DHRSX: variants seen among roughly 807,000 people sequenced by gnomAD.
DHRSX encodes dehydrogenase/reductase X-linked.
A neutral mutation model predicts 34.0 loss-of-function variants in DHRSX; 31 were observed. The observed-to-expected ratio is 0.91, with a 90% CI of 0.69 to 1.23. The LOEUF (loss-of-function observed/expected upper bound fraction) is 1.23. Ranked by LOEUF, DHRSX falls within the 50% of genes most tolerant of loss-of-function variation. The pLI, the probability that DHRSX is intolerant of heterozygous loss-of-function variation, is 0.00. For synonymous variants in DHRSX, 201 were observed against 183.8 expected (o/e 1.09, Z -0.76); for missense variants, 414 against 428.1 (o/e 0.97, Z 0.29).
At chrX:2,421,544 G>A (rs747033929) in intron 2 of DHRSX, among the ~76,000 whole-genome samples, 117 of 152,354 alleles carry the variant, frequency 7.7e-4, no homozygotes, top group African/African-American at 2.7e-3. Flanking sequence ...GGCCACATGG[G>A]CTGAACATGG....
Position 2,439,618 on chromosome X carries a change from G to T in DHRSX, c.110-14314C>A, listed in dbSNP as rs189945998. The stretch of plus-strand genomic sequence containing the variant: ...TGAAACTCACCATCGTGTAGAATCA[G>T]TGGAAGCCCTGAGCTTGTTTTCCTG... On this transcript the variant is annotated intron_variant, in intron 1 of 6. Transcript: ENST00000334651. 5.9e-3 allele frequency among the ~76,000 whole-genome samples: 902 copies of T among 152,278 alleles called. 3 individuals are homozygous for T. Among genetic ancestry groups the T allele is most frequent in the Middle Eastern group, 0.017 (5 of 294 alleles).
rs948551226 is a variant in DHRSX at position 2,291,860 on chromosome X, C to A, written c.287-257G>T. ...TCCCAGGTAGCTGGGATTACAGGCA[C>A]ATGCCACCAGGCCCAGCTAATTTTT... is the stretch of plus-strand genomic sequence containing the variant. On this transcript the variant is annotated intron_variant, in intron 3 of 6. Transcript: ENST00000334651. Among the ~76,000 whole-genome samples the A allele has an allele frequency of 3.6e-4, 54 of 150,050 alleles. 1 individual carries two copies. Among genetic ancestry groups the A allele is most frequent in the Non-Finnish European group, 1.5e-5 (1 of 67,628 alleles).
rs763290087 is a variant in DHRSX at position 2,225,049 on chromosome X, T to C, written c.805-3820A>G. ...ACACAGCTCACATTCACACATGCAT[T>C]CACATTTACATATTCACATGCACTC... is the stretch of plus-strand genomic sequence containing the variant. On this transcript the variant is annotated intron_variant, in intron 6 of 6. Coordinates refer to ENST00000334651, the MANE Select transcript of DHRSX (RefSeq NM_145177.3). Among the ~76,000 whole-genome samples the C allele has an allele frequency of 4.9e-5, 7 of 142,932 alleles. No homozygotes were observed. In the Admixed American group the frequency reaches 4.9e-4, roughly 10 times the overall value. The allele number at this position is 142,932 out of a possible 152,430, so 93.8% of individuals were successfully genotyped here.
intron 3 of DHRSX, among the ~76,000 whole-genome samples, chrX:2,385,996 A>T (rs2043266621): frequency 6.6e-6 from 1 of 152,060 alleles, no homozygotes. Flanking sequence ...TAAGGCAAAA[A>T]CAGTCACAGG....
intron 1 of DHRSX, among the ~76,000 whole-genome samples, chrX:2,468,244 C>T (rs1222428545): frequency 1.3e-5 from 2 of 152,112 alleles, no homozygotes; most frequent in Admixed American, 1.3e-4. Flanking sequence ...TGATGTGATT[C>T]AGACCATTTC....
At chrX:2,276,054 G>C (rs970222161) in intron 4 of DHRSX, among the ~76,000 whole-genome samples, 6 of 150,856 alleles carry the variant, frequency 4.0e-5, no homozygotes, top group Admixed American at 3.9e-4. Flanking sequence ...GTGTTGGCCA[G>C]GATGGTCTCG....
intron 5 of DHRSX, among the ~76,000 whole-genome samples, chrX:2,254,964 CT>C (rs769097084): frequency 1.8e-3 from 173 of 97,406 alleles, no homozygotes; most frequent in Non-Finnish European, 1.9e-3. Flanking sequence ...CCTTTTTTTT[CT>C]TTTTTTTTTT....
intron 3 of DHRSX, among the ~76,000 whole-genome samples, chrX:2,302,854 AT>A (rs1045619426): frequency 2.6e-5 from 4 of 152,008 alleles, no homozygotes; most frequent in South Asian, 2.1e-4. Flanking sequence ...TCTTAAATGC[AT>A]TTTTTTTAGT....
chrX:2,379,595 G>GTTTTTTT (rs749144665), intron 3 of DHRSX, among the ~76,000 whole-genome samples: 10 of 103,948 alleles, frequency 9.6e-5, no homozygotes, highest in Non-Finnish European at 1.4e-4. Flanking sequence ...GGCAGTGGAG[G>GTTTTTTT]TTTTTTTTTT....
intron 5 of DHRSX, among the ~76,000 whole-genome samples, chrX:2,250,516 G>A (rs1202764193): frequency 2.6e-5 from 4 of 152,154 alleles, no homozygotes; most frequent in South Asian, 2.1e-4. Flanking sequence ...ACCAATTCCC[G>A]GAGCTGAAGG....
At chrX:2,293,781 G>A (rs1448813900) in intron 3 of DHRSX, among the ~76,000 whole-genome samples, 2 of 152,062 alleles carry the variant, frequency 1.3e-5, no homozygotes, top group Admixed American at 6.6e-5. Context: ...TTTTATGAAG[G>A]CCACATAGCT....
chrX:2,462,769 G>A (rs779628956), intron 1 of DHRSX, among the ~76,000 whole-genome samples: 1 of 151,818 alleles, frequency 6.6e-6, no homozygotes, highest in South Asian at 2.1e-4. Context: ...AACACGGAGG[G>A]TTTCTGTGTC....
intron 1 of DHRSX, among the ~76,000 whole-genome samples, chrX:2,456,482 C>T (rs2044298451): frequency 6.6e-6 from 1 of 151,822 alleles, no homozygotes; most frequent in South Asian, 2.1e-4. Context: ...TGTGTGGTGG[C>T]AGGTGCCTGT....
At chrX:2,316,157 C>T (rs752042844) in intron 3 of DHRSX, among the ~76,000 whole-genome samples, 65 of 152,190 alleles carry the variant, frequency 4.3e-4, no homozygotes, top group Non-Finnish European at 7.2e-4. Context: ...CCACCGCGCC[C>T]GGCCAAGTCT....
At chrX:2,434,706 C>A (rs187823800) in intron 1 of DHRSX, among the ~76,000 whole-genome samples, 199 of 152,244 alleles carry the variant, frequency 1.3e-3, no homozygotes, top group Middle Eastern at 6.8e-3. Flanking sequence ...CATGCATTTT[C>A]TTTTTGGCTC....
intron 6 of DHRSX, among the ~76,000 whole-genome samples, chrX:2,240,422 T>C (rs1372392678): frequency 3.3e-5 from 5 of 151,926 alleles, no homozygotes; most frequent in East Asian, 1.9e-4. Flanking sequence ...AAAGTCCACA[T>C]TGGGGGCGGG....
At chrX:2,315,883 A>AGAAAATGTGACT (rs2042236286) in intron 3 of DHRSX, among the ~76,000 whole-genome samples, 1 of 152,086 alleles carries the variant, frequency 6.6e-6, no homozygotes, top group African/African-American at 2.4e-5. Context: ...TTTCTTTGAG[A>AGAAAATGTGACT]CAGAGTCTCA....
At chrX:2,249,946 G>A (rs1196723599) in intron 5 of DHRSX, among the ~76,000 whole-genome samples, 1 of 151,640 alleles carries the variant, frequency 6.6e-6, no homozygotes, top group Admixed American at 6.6e-5. Flanking sequence ...GGCAGATCAC[G>A]AGGTCAGGAG....
chrX:2,263,050 C>T lies in DHRSX; in HGVS notation c.596+3690G>A, dbSNP rs752326150. Among the ~76,000 whole-genome samples, 355 of 152,348 alleles carry T rather than the reference C, an allele frequency of 2.3e-3. 3 individuals carry two copies. The highest frequency in any genetic ancestry group is 8.1e-3 in the African/African-American group (336 of 41,600). On this transcript the variant is annotated intron_variant, in intron 5 of 6. Coordinates refer to ENST00000334651, the MANE Select transcript of DHRSX (RefSeq NM_145177.3). ...AGGGCCTGGGGGTGGGGAGGGCGCC[C>T]ACCCTGCTGTACATTACAGAGGCTG...
Sources: gnomAD v4.1 joint callset for allele counts (sites outside exome capture counted in the v4.1 genomes callset) on GRCh38, gnomAD v4.1.1 for gene constraint, MANE v1.5 for transcripts, NCBI Gene and HGNC (gene_info 2026-07-23, HGNC 2026-07-21) for gene names.